UBASH3B: variants seen among roughly 807,000 people sequenced by gnomAD.
The protein encoded by UBASH3B is ubiquitin associated and SH3 domain containing B.
In UBASH3B, 37 loss-of-function variants were observed where a neutral mutation model predicts 83.4. The ratio of observed to expected loss-of-function variants is 0.44; its 90% CI spans 0.34 to 0.58. The LOEUF (loss-of-function observed/expected upper bound fraction) is 0.58. UBASH3B is among the 20% of genes least tolerant of loss of function. The probability of loss-of-function intolerance (pLI) is 0.01; values close to 1 mark genes in which losing one functional copy is unlikely to be tolerated. For missense variants in UBASH3B, 657 were observed against 827.2 expected (o/e 0.79, Z 2.52); for synonymous variants, 304 against 318.3 (o/e 0.96, Z 0.48).
chr11:122,802,984 G>A (rs76016554), intron 11 of UBASH3B, among the ~76,000 whole-genome samples: 6 of 152,060 alleles, frequency 3.9e-5, no homozygotes, highest in African/African-American at 9.6e-5. Context: ...CCTCCCAAGC[G>A]GCCTTACAAA....
At chr11:122,762,507 G>A (rs1464133100) in intron 1 of UBASH3B, among the ~76,000 whole-genome samples, 1 of 152,184 alleles carries the variant, frequency 6.6e-6, no homozygotes, top group Non-Finnish European at 1.5e-5. Context: ...TCCATTGACA[G>A]CCTAGAAGAC....
intron 5 of UBASH3B, 42 bp from the exon 6 acceptor site, chr11:122,789,058 T>G: frequency 6.4e-7 from 1 of 1,554,188 alleles, no homozygotes; most frequent in South Asian, 1.1e-5. Flanking sequence ...CTCAGGAGAA[T>G]GGTGAGGCAT....
At chr11:122,748,718 C>T (rs1178611535) in intron 1 of UBASH3B, among the ~76,000 whole-genome samples, 5 of 152,126 alleles carry the variant, frequency 3.3e-5, no homozygotes, top group East Asian at 1.9e-4. Context: ...GTCGCAGTGA[C>T]GTGAGGCTAA....
chr11:122,784,043 C>G lies in UBASH3B; in HGVS notation c.771+821C>G, dbSNP rs1004119672. On this transcript the variant is annotated intron_variant, in intron 5 of 13. Coordinates refer to ENST00000284273, the MANE Select transcript of UBASH3B (RefSeq NM_032873.5). ...GCAACCCCTGCCCCTGGGGTTCAAG[C>G]GATTCTCCTGCCTCAGCCTCCCTAG... Among the ~76,000 whole-genome samples, 3 of 151,648 alleles carry G rather than the reference C, an allele frequency of 2.0e-5. No homozygotes were observed. In the South Asian group the frequency reaches 6.2e-4, roughly 31 times the overall value.
At chr11:122,678,409 T>C (rs1368414762) in intron 1 of UBASH3B, among the ~76,000 whole-genome samples, 3 of 152,182 alleles carry the variant, frequency 2.0e-5, no homozygotes, top group Non-Finnish European at 4.4e-5. Context: ...GGCTGACCCA[T>C]GTTCCTTTGA....
At chr11:122,669,436 C>A (rs1277221315) in intron 1 of UBASH3B, among the ~76,000 whole-genome samples, 5 of 152,182 alleles carry the variant, frequency 3.3e-5, no homozygotes, top group African/African-American at 1.2e-4. Context: ...ATTATATCTT[C>A]CCAGCTCAAG....
intron 2 of UBASH3B, 53 bp from the exon 3 acceptor site, chr11:122,776,971 T>TC: frequency 6.7e-7 from 1 of 1,494,334 alleles, no homozygotes; most frequent in Non-Finnish European, 9.0e-7. Flanking sequence ...AGTTCTTTTT[T>TC]CCCCTCCCAT....
chr11:122,677,662 T>G (rs2135905909), intron 1 of UBASH3B, among the ~76,000 whole-genome samples: 1 of 152,310 alleles, frequency 6.6e-6, no homozygotes, highest in African/African-American at 2.4e-5. Flanking sequence ...TAATAACCTT[T>G]TATTAACATT....
intron 1 of UBASH3B, chr11:122,727,370 T>C (rs1402536446): frequency 6.6e-6 from 1 of 152,236 alleles, no homozygotes; most frequent in Non-Finnish European, 1.5e-5. Flanking sequence ...CTTTGCTTAC[T>C]GTGGTGAATT....
Position 122,777,052 on chromosome 11 carries a change from C to T in UBASH3B, c.244C>T (p.Leu82=). ...ATTCTCCCATGTCGGTGACCCCTTCCTGGATGACCCCCTGCCCCGGGAGTA... is the reference window on the plus strand; with the variant it reads ...ATTCTCCCATGTCGGTGACCCCTTCTTGGATGACCCCCTGCCCCGGGAGTA... The part of the protein sequence containing the change: ...WLFSHVGDPF[L]DDPLPREYVL... Residue 82 remains leucine, a synonymous_variant, in exon 3 of 14, where the codon CTG becomes TTG. Transcript: ENST00000284273. The T allele has an allele frequency of 6.2e-7, 1 of 1,612,628 alleles. No individual in the cohort carries two copies. Among genetic ancestry groups the T allele is most frequent in the Non-Finnish European group, 8.5e-7 (1 of 1,179,354 alleles).
intron 8 of UBASH3B, 73 bp from the exon 9 acceptor site, chr11:122,796,838 G>A (rs1861165218): frequency 6.2e-7 from 1 of 1,606,580 alleles, no homozygotes; most frequent in Non-Finnish European, 8.5e-7. Context: ...GGTGGAGAGT[G>A]TCAGGATCAG....
chr11:122,720,525 T>C (rs7932902), intron 1 of UBASH3B, among the ~76,000 whole-genome samples: 27,308 of 152,202 alleles, frequency 0.18, 3,332 homozygotes, highest in African/African-American at 0.32. Flanking sequence ...ACGTTCTCTG[T>C]GTTACAAAGT....
At chr11:122,781,402 G>A (rs957397342) in intron 4 of UBASH3B, among the ~76,000 whole-genome samples, 4 of 152,138 alleles carry the variant, frequency 2.6e-5, no homozygotes, top group Non-Finnish European at 5.9e-5. Flanking sequence ...TGTCAAAGCC[G>A]CAAAACCCAA....
intron 1 of UBASH3B, among the ~76,000 whole-genome samples, chr11:122,656,948 G>A (rs976109440): frequency 3.9e-5 from 6 of 152,236 alleles, no homozygotes; most frequent in African/African-American, 1.4e-4. Flanking sequence ...GAGAGCGCAG[G>A]TGGCTGCCCC....
At chr11:122,708,678 A>G (rs1259123456) in intron 1 of UBASH3B, among the ~76,000 whole-genome samples, 2 of 152,148 alleles carry the variant, frequency 1.3e-5, no homozygotes, top group East Asian at 3.9e-4. Flanking sequence ...ATTCACTTGC[A>G]TCCCTCAAAA....
At chr11:122,711,726 C>A (rs1565537716) in intron 1 of UBASH3B, among the ~76,000 whole-genome samples, 1 of 152,194 alleles carries the variant, frequency 6.6e-6, no homozygotes, top group African/African-American at 2.4e-5. Context: ...TGCAAATAAC[C>A]TGCTGTCCTT....
chr11:122,657,128 G>C (rs932670514), intron 1 of UBASH3B, among the ~76,000 whole-genome samples: 2 of 152,218 alleles, frequency 1.3e-5, no homozygotes, highest in African/African-American at 2.4e-5. Context: ...AGATTTCTTA[G>C]GTGGGGACAC....
At position 122,810,015 on chromosome 11, in the gene UBASH3B, C is replaced by G; in HGVS notation, c.*129C>G. 8.9e-7 allele frequency: 1 copy of G among 1,124,958 alleles called. No individual in the cohort carries two copies. Among genetic ancestry groups the G allele is most frequent in the Non-Finnish European group, 1.2e-6 (1 of 802,600 alleles). The allele number at this position is 1,124,958 out of a possible 1,614,324, so 69.7% of individuals were successfully genotyped here. ...ATAATTTAGCATATTTCCTTTCACA[C>G]TTAAAGTTCTTAAGATGAGACTGTG... On this transcript the variant is annotated 3_prime_UTR_variant, in exon 14 of 14. Coordinates refer to ENST00000284273, the MANE Select transcript of UBASH3B (RefSeq NM_032873.5).
chr11:122,719,230 A>G (rs543403417), intron 1 of UBASH3B, among the ~76,000 whole-genome samples: 3 of 152,300 alleles, frequency 2.0e-5, no homozygotes, highest in East Asian at 1.9e-4. Flanking sequence ...CCGGAAGTCA[A>G]TTCCCTTCTC....
Sources: gnomAD v4.1 joint callset for allele counts (sites outside exome capture counted in the v4.1 genomes callset) on GRCh38, gnomAD v4.1.1 for gene constraint, MANE v1.5 for transcripts, NCBI Gene and HGNC (gene_info 2026-07-23, HGNC 2026-07-21) for gene names.